The following TENM3 variants were observed in gnomAD, a reference collection of about 807,000 sequenced individuals.
TENM3 encodes the protein teneurin-3.
Under a neutral mutation model 255.1 loss-of-function variants are expected in TENM3, and 63 were observed. That is an observed-to-expected ratio of 0.25 (90% CI 0.20 to 0.30). The LOEUF (loss-of-function observed/expected upper bound fraction) is 0.30. Among genes scored for constraint, TENM3 ranks in the 10% least tolerant of loss-of-function variants. TENM3 has a pLI of 1.00. For missense variants in TENM3, 2,929 were observed against 3,461.1 expected (o/e 0.85, Z 3.86); for synonymous variants, 1,306 against 1,322.3 (o/e 0.99, Z 0.27).
the TENM3 span, among the ~76,000 whole-genome samples, chr4:181,959,915 A>G: frequency 5.3e-5 from 8 of 152,246 alleles, no homozygotes; most frequent in Admixed American, 6.5e-5. Context: ...GAGAGGCAGA[A>G]GCAACTAATG....
chr4:182,335,251 C>T lies in TENM3; in HGVS notation c.232+10999C>T, dbSNP rs534070632. On this transcript the variant is annotated intron_variant, in intron 2 of 27. Transcript: ENST00000511685. Reference sequence around the variant, plus strand: ...CGGTGGCTCACGCCTGTAATCCCAGCACTTTGGGAGGCTGAGGCGGGCGGA... The same window carrying T: ...CGGTGGCTCACGCCTGTAATCCCAGTACTTTGGGAGGCTGAGGCGGGCGGA... Among the ~76,000 whole-genome samples, 10 of 148,802 alleles carry T rather than the reference C, an allele frequency of 6.7e-5. 1 individual carries two copies. The highest frequency in any genetic ancestry group is 3.4e-4 in the Admixed American group (5 of 14,876).
chr4:182,214,725 C>G (rs995855904), intron 1 of TENM3, among the ~76,000 whole-genome samples: 25 of 151,822 alleles, frequency 1.6e-4, no homozygotes, highest in African/African-American at 4.8e-4. Context: ...CCAGATTTCT[C>G]CTTATCAACA....
At chr4:181,604,030 C>A in the TENM3 span, among the ~76,000 whole-genome samples, 3 of 152,004 alleles carry the variant, frequency 2.0e-5, no homozygotes, top group African/African-American at 4.8e-5. Context: ...TTTGGGAGGC[C>A]GAGGAGGGTG....
At chr4:182,411,207 G>A (rs1269306704) in intron 3 of TENM3, among the ~76,000 whole-genome samples, 3 of 152,214 alleles carry the variant, frequency 2.0e-5, no homozygotes, top group African/African-American at 7.2e-5. Context: ...TCAGTCACCA[G>A]GTGGACACCA....
chr4:182,212,557 A>G (rs745912635), intron 1 of TENM3, among the ~76,000 whole-genome samples: 2 of 152,250 alleles, frequency 1.3e-5, no homozygotes. Flanking sequence ...AGCACTTTAC[A>G]TGTTGTTCAC....
intron 13 of TENM3, among the ~76,000 whole-genome samples, chr4:182,717,551 G>C (rs540396178): frequency 5.3e-5 from 8 of 152,252 alleles, no homozygotes; most frequent in African/African-American, 1.9e-4. Context: ...TCCAGCTCCA[G>C]GTACCAAATA....
At chr4:181,942,884 A>C in the TENM3 span, among the ~76,000 whole-genome samples, 2 of 152,226 alleles carry the variant, frequency 1.3e-5, no homozygotes, top group South Asian at 4.1e-4. Context: ...AATTAGTTCC[A>C]GGTACTTCAA....
chr4:182,137,168 C>T, the TENM3 span, among the ~76,000 whole-genome samples: 1 of 152,190 alleles, frequency 6.6e-6, no homozygotes, highest in East Asian at 1.9e-4. Context: ...CAAACTGCAC[C>T]AAATTGCTCC....
Position 182,800,447 on chromosome 4 carries a change from C to A in TENM3, c.*96C>A. On this transcript the variant is annotated 3_prime_UTR_variant, in exon 28 of 28. Transcript: ENST00000511685. Reference sequence around the variant, plus strand: ...TCTCCAACGCCCAAGAGCCTTCCTCCCGGGGGAATGAGACTGCTGTTACGA... The same window carrying A: ...TCTCCAACGCCCAAGAGCCTTCCTCACGGGGGAATGAGACTGCTGTTACGA... 1 of 1,397,222 alleles carries A rather than the reference C, an allele frequency of 7.2e-7. No homozygotes were observed. The highest frequency in any genetic ancestry group is 9.4e-7 in the Non-Finnish European group (1 of 1,061,902). 86.6% of individuals were successfully genotyped at this position (1,397,222 alleles called of 1,614,324 possible).
chr4:181,732,906 G>A, the TENM3 span, among the ~76,000 whole-genome samples: 24 of 152,234 alleles, frequency 1.6e-4, no homozygotes, highest in African/African-American at 5.8e-4. Flanking sequence ...TTTATTTCCA[G>A]GAGATAATTT....
intron 1 of TENM3, among the ~76,000 whole-genome samples, chr4:182,277,794 T>C (rs1219356734): frequency 6.6e-6 from 1 of 152,242 alleles, no homozygotes; most frequent in East Asian, 1.9e-4. Flanking sequence ...GTTCTATCAA[T>C]AAATGCTGCT....
At chr4:182,508,929 A>T (rs755418393) in intron 3 of TENM3, among the ~76,000 whole-genome samples, 11 of 152,258 alleles carry the variant, frequency 7.2e-5, no homozygotes, top group Non-Finnish European at 1.3e-4. Context: ...AACGTCCAGT[A>T]AATTTTCTTT....
At chr4:182,536,400 G>A (rs1164387182) in intron 3 of TENM3, among the ~76,000 whole-genome samples, 1 of 152,196 alleles carries the variant, frequency 6.6e-6, no homozygotes, top group Admixed American at 6.5e-5. Flanking sequence ...TCTACTGGGC[G>A]CCGGAGCAAA....
At chr4:181,539,226 G>C in the TENM3 span, among the ~76,000 whole-genome samples, 30,871 of 152,118 alleles carry the variant, frequency 0.2, 3,191 homozygotes, top group Middle Eastern at 0.28. Context: ...TGTTAATGGA[G>C]TTGAATGAGC....
the TENM3 span, among the ~76,000 whole-genome samples, chr4:181,482,727 G>C: frequency 2.0e-5 from 3 of 152,022 alleles, no homozygotes; most frequent in African/African-American, 7.2e-5. Context: ...CTTTCTAGAA[G>C]GTCCACTGCA....
the TENM3 span, among the ~76,000 whole-genome samples, chr4:181,625,813 C>CAAA: frequency 2.1e-5 from 3 of 144,588 alleles, no homozygotes; most frequent in African/African-American, 7.6e-5. Context: ...GACTCTGTCT[C>CAAA]AAAAAAAAAT....
intron 3 of TENM3, among the ~76,000 whole-genome samples, chr4:182,408,940 G>A (rs1193012821): frequency 6.6e-6 from 1 of 152,218 alleles, no homozygotes; most frequent in Non-Finnish European, 1.5e-5. Context: ...CTGTATCAAG[G>A]CAACAAAGCA....
chr4:182,268,616 TA>T (rs1380664041), intron 1 of TENM3, among the ~76,000 whole-genome samples: 1 of 152,044 alleles, frequency 6.6e-6, no homozygotes, highest in East Asian at 1.9e-4. Flanking sequence ...ATACAGATCA[TA>T]AAGACCTTAC....
the TENM3 span, among the ~76,000 whole-genome samples, chr4:181,742,430 G>C: frequency 6.6e-6 from 1 of 151,864 alleles, no homozygotes; most frequent in African/African-American, 2.4e-5. Context: ...TTTAGTCAGG[G>C]CTTTTTATGT....
Sources: allele counts gnomAD v4.1 joint callset (sites outside exome capture counted in the v4.1 genomes callset), GRCh38; gene constraint gnomAD v4.1.1; transcripts MANE v1.5; gene names NCBI Gene and HGNC (gene_info 2026-07-23, HGNC 2026-07-21).